CMIP: variants seen among roughly 807,000 people sequenced by gnomAD.
CMIP encodes the protein C-Maf-inducing protein.
Under a neutral mutation model 97.3 loss-of-function variants are expected in CMIP, and 13 were observed. The ratio of observed to expected loss-of-function variants is 0.13; its 90% CI spans 0.09 to 0.21. The LOEUF is 0.21. Ranked by LOEUF, CMIP falls within the 10% of genes least tolerant of loss-of-function variation. The pLI is 1.00. For synonymous variants in CMIP, 538 were observed against 436.3 expected (o/e 1.23, Z -2.91); for missense variants, 847 against 1,024.9 (o/e 0.83, Z 2.37).
Position 81,614,326 on chromosome 16 carries a change from G to A in CMIP, c.427-6550G>A, listed in dbSNP as rs955884031. ...CGGCATTGTTTCTAACTTGTGCTGT[G>A]TGTCCACCATGGGCCAGTGGGGGAA... On this transcript the variant is annotated intron_variant, in intron 2 of 20. Coordinates refer to ENST00000537098, the MANE Select transcript of CMIP (RefSeq NM_198390.3). This position sits in a 1 kb window ranked among gnomAD's most constrained non-coding sequence, Gnocchi z 5.3. 2.0e-5 allele frequency among the ~76,000 whole-genome samples: 3 copies of A among 152,230 alleles called. No individual in the cohort carries two copies. Among genetic ancestry groups the A allele is most frequent in the African/African-American group, 7.2e-5 (3 of 41,458 alleles).
rs377199923 is a variant in CMIP, at chr16:81,638,110, C to T, written c.478-14093C>T. 6.4e-4 allele frequency among the ~76,000 whole-genome samples: 98 copies of T among 152,270 alleles called. 1 individual carries two copies. In the South Asian group the frequency reaches 0.019, roughly 30 times the overall value. Reference sequence around the variant, plus strand: ...GAGCTTAGCACTTGGCTTGTGGCCCCCTCACTCCGGTGTCTGCCTCCATGG... The same window carrying T: ...GAGCTTAGCACTTGGCTTGTGGCCCTCTCACTCCGGTGTCTGCCTCCATGG... On this transcript the variant is annotated intron_variant, in intron 3 of 20. Transcript: ENST00000537098.
rs992061991 is a variant in CMIP at position 81,652,946 on chromosome 16, A to G, written c.639+582A>G. On this transcript the variant is annotated intron_variant, in intron 4 of 20. Transcript: ENST00000537098. This position sits in a 1 kb window ranked among gnomAD's most constrained non-coding sequence, Gnocchi z 5.2. The stretch of plus-strand genomic sequence containing the variant: ...TGTGCCAGGCACCATCTGGGAATTC[A>G]AGCAAAGACAAGCCCCCTACCCCCC... Among the ~76,000 whole-genome samples the G allele has an allele frequency of 2.0e-5, 3 of 152,058 alleles. No homozygotes were observed. Among genetic ancestry groups the G allele is most frequent in the Non-Finnish European group, 4.4e-5 (3 of 68,004 alleles).
chr16:81,708,073 T>C (rs1460180253), intron 20 of CMIP, among the ~76,000 whole-genome samples: 1 of 152,246 alleles, frequency 6.6e-6, no homozygotes, highest in Non-Finnish European at 1.5e-5. Context: ...GAGGTGTGGC[T>C]GCCACAGTCC....
At chr16:81,547,441 C>A (rs1006720703) in intron 1 of CMIP, among the ~76,000 whole-genome samples, 5 of 152,194 alleles carry the variant, frequency 3.3e-5, no homozygotes, top group Non-Finnish European at 7.3e-5. Context: ...CCATCTCTTG[C>A]TGTGGGCACG....
chr16:81,608,729 T>A (rs927963659), intron 2 of CMIP, among the ~76,000 whole-genome samples: 2 of 151,190 alleles, frequency 1.3e-5, no homozygotes, highest in Non-Finnish European at 2.9e-5. Context: ...ACATAAGACA[T>A]GTTACATCAT....
At position 81,656,347 on chromosome 16, in the gene CMIP, C is replaced by T. The variant is rs563680324; in HGVS notation, c.640-1428C>T. 7.2e-5 allele frequency among the ~76,000 whole-genome samples: 11 copies of T among 152,348 alleles called. No individual in the cohort carries two copies. In the South Asian group the frequency reaches 2.1e-3, roughly 29 times the overall value. On this transcript the variant is annotated intron_variant, in intron 4 of 20. Transcript: ENST00000537098. The stretch of plus-strand genomic sequence containing the variant: ...TCCAGGTGGTGGGAGCCATGGGGCT[C>T]TGTCTAGAACCAGAACAATCGATCT...
At chr16:81,662,030 C>G (rs1000580109) in intron 6 of CMIP, among the ~76,000 whole-genome samples, 1 of 152,174 alleles carries the variant, frequency 6.6e-6, no homozygotes, top group Non-Finnish European at 1.5e-5. Flanking sequence ...TGGATACACA[C>G]AGGCCCCGGG....
At chr16:81,524,923 G>C (rs1485688185) in intron 1 of CMIP, among the ~76,000 whole-genome samples, 1 of 150,610 alleles carries the variant, frequency 6.6e-6, no homozygotes, top group East Asian at 2.0e-4. Context: ...CCTCCTCTTA[G>C]TAGCTAGGAC....
intron 10 of CMIP, among the ~76,000 whole-genome samples, chr16:81,685,630 G>C (rs1018335620): frequency 1.3e-5 from 2 of 151,468 alleles, no homozygotes; most frequent in Non-Finnish European, 2.9e-5. Context: ...CTGCAGCCTC[G>C]AACTGCCAGG....
chr16:81,541,930 T>C (rs2966112), intron 1 of CMIP, among the ~76,000 whole-genome samples: 57,044 of 152,066 alleles, frequency 0.38, 10,952 homozygotes, highest in East Asian at 0.51. Flanking sequence ...AATGTCTATT[T>C]CATGTTTTAA....
intron 10 of CMIP, among the ~76,000 whole-genome samples, chr16:81,688,402 T>A (rs1286023411): frequency 2.0e-5 from 3 of 152,238 alleles, no homozygotes; most frequent in African/African-American, 7.2e-5. Flanking sequence ...CTTTCAGGGC[T>A]GGTGAGAGCC....
At chr16:81,544,320 A>G (rs532967595) in intron 1 of CMIP, among the ~76,000 whole-genome samples, 1 of 152,128 alleles carries the variant, frequency 6.6e-6, no homozygotes, top group Non-Finnish European at 1.5e-5. Flanking sequence ...AAAATACTCA[A>G]TTTTTTAATT....
At chr16:81,498,401 G>A (rs534861292) in intron 1 of CMIP, among the ~76,000 whole-genome samples, 46 of 152,290 alleles carry the variant, frequency 3.0e-4, no homozygotes, top group Non-Finnish European at 5.7e-4. Context: ...CTTGTCCCCC[G>A]GCCTTTTTGG....
chr16:81,678,202 T>G, intron 9 of CMIP, 73 bp from the exon 10 acceptor site: 1 of 1,194,198 alleles, frequency 8.4e-7, no homozygotes, highest in African/African-American at 1.5e-5. Flanking sequence ...CAGGGAGGCC[T>G]TTAGTCTGAT....
At chr16:81,527,639 A>C (rs1597509102) in intron 1 of CMIP, among the ~76,000 whole-genome samples, 1 of 152,122 alleles carries the variant, frequency 6.6e-6, no homozygotes, top group Non-Finnish European at 1.5e-5. Flanking sequence ...TCCTGACCAC[A>C]GTGTCTGTGT....
At chr16:81,642,499 C>G (rs1449772679) in intron 3 of CMIP, among the ~76,000 whole-genome samples, 1 of 152,214 alleles carries the variant, frequency 6.6e-6, no homozygotes, top group Non-Finnish European at 1.5e-5. Flanking sequence ...ACACCCTGTG[C>G]TGTCCTGTGG....
chr16:81,527,566 C>G (rs915854209), intron 1 of CMIP, among the ~76,000 whole-genome samples: 1 of 152,186 alleles, frequency 6.6e-6, no homozygotes, highest in African/African-American at 2.4e-5. Context: ...TTGTTTCTAC[C>G]ATGGAAGCAT....
rs1905760765 is a variant in CMIP at position 81,445,316 on chromosome 16, C to T, written c.75C>T (p.Gly25=). Reference sequence around the variant, plus strand: ...AGGAGACCAAGCCGCTGCTGGGGGGCGACGTGTCGGCCCCCGAAGGCACGA... The same window carrying T: ...AGGAGACCAAGCCGCTGCTGGGGGGTGACGTGTCGGCCCCCGAAGGCACGA... ...QIEETKPLLG[G]DVSAPEGTKM... is the part of the protein sequence containing the mutation. The change falls in exon 1 of 21, where the codon GGC becomes GGT. Residue 25 remains glycine, a synonymous_variant. Transcript: ENST00000537098. 2 of 1,575,540 alleles carry T rather than the reference C, an allele frequency of 1.3e-6. No homozygotes were observed. Among genetic ancestry groups the T allele is most frequent in the South Asian group, 1.2e-5 (1 of 86,424 alleles).
At chr16:81,640,525 C>A (rs150630715) in intron 3 of CMIP, among the ~76,000 whole-genome samples, 6 of 152,150 alleles carry the variant, frequency 3.9e-5, no homozygotes, top group African/African-American at 7.2e-5. Context: ...GACAAATTTC[C>A]GTAAACTGTG....
Sources: gnomAD v4.1 joint callset for allele counts (sites outside exome capture counted in the v4.1 genomes callset) on GRCh38, gnomAD v4.1.1 for gene constraint, Gnocchi (gnomAD v3.1) non-coding constraint, MANE v1.5 for transcripts, NCBI Gene and HGNC (gene_info 2026-07-23, HGNC 2026-07-21) for gene names.